The following LARS2 variants were observed in gnomAD, a reference collection of about 807,000 sequenced individuals.
The protein encoded by LARS2 is leucine--tRNA ligase, mitochondrial.
LARS2 carries 81 observed loss-of-function variants against 116.6 expected under a neutral mutation model. The ratio of observed to expected loss-of-function variants is 0.69; its 90% confidence interval spans 0.58 to 0.84. The LOEUF (loss-of-function observed/expected upper bound fraction) is 0.84, where lower values mean the gene tolerates loss of function less well. Ranked by LOEUF, LARS2 falls within the 40% of genes least tolerant of loss-of-function variation. The probability of loss-of-function intolerance (pLI) is 0.00; values close to 1 mark genes in which losing one functional copy is unlikely to be tolerated. For synonymous variants in LARS2, 396 were observed against 407.2 expected, an observed-to-expected ratio of 0.97 and a Z score of 0.33; for missense variants, 968 against 1,114.5, an observed-to-expected ratio of 0.87 and a Z score of 1.87.
chr3:45,468,590 G>A (rs139021888), intron 8 of LARS2, among the ~76,000 whole-genome samples: 1 of 152,150 alleles, frequency 6.6e-6, no homozygotes, highest in Non-Finnish European at 1.5e-5. Flanking sequence ...GGCCTTCATC[G>A]TCTGCATTCT....
chr3:45,519,094 G>A (rs1256291007), intron 18 of LARS2, among the ~76,000 whole-genome samples: 1 of 152,190 alleles, frequency 6.6e-6, no homozygotes. Context: ...CCTTAAAGAT[G>A]TGTTACTTTT....
chr3:45,491,040 G>C (rs1042495787), intron 12 of LARS2, among the ~76,000 whole-genome samples: 6 of 152,186 alleles, frequency 3.9e-5, no homozygotes, highest in African/African-American at 1.4e-4. Flanking sequence ...CCCAACAGGG[G>C]AGTAGTCATT....
intron 13 of LARS2, among the ~76,000 whole-genome samples, chr3:45,495,026 C>T (rs1247318298): frequency 6.6e-6 from 1 of 152,178 alleles, no homozygotes; most frequent in East Asian, 1.9e-4. Context: ...TGAGATCGAG[C>T]CACTGCACTC....
rs115664470 is a variant in LARS2, at chr3:45,469,923, A to G, written c.751-4320A>G. ...TGCAAATCAAATCATACCAATTTATAAGTATGCTAAGTGTCAAGCTTTTAA... is the reference window on the plus strand; with the variant it reads ...TGCAAATCAAATCATACCAATTTATGAGTATGCTAAGTGTCAAGCTTTTAA... On this transcript the variant is annotated intron_variant, in intron 8 of 21. Coordinates refer to ENST00000645846, the MANE Select transcript of LARS2 (RefSeq NM_015340.4). Among the ~76,000 whole-genome samples the G allele has an allele frequency of 5.2e-3, 790 of 152,308 alleles. 5 individuals are homozygous for G. Among genetic ancestry groups the G allele is most frequent in the African/African-American group, 0.017 (719 of 41,558 alleles).
At chr3:45,526,622 T>C (rs1409549613) in intron 20 of LARS2, among the ~76,000 whole-genome samples, 4 of 151,892 alleles carry the variant, frequency 2.6e-5, no homozygotes, top group Non-Finnish European at 4.4e-5. Flanking sequence ...GAGGGAGAAG[T>C]CATTATGAGA....
At chr3:45,419,267 T>C (rs1200464016) in intron 5 of LARS2, among the ~76,000 whole-genome samples, 2 of 152,256 alleles carry the variant, frequency 1.3e-5, no homozygotes, top group African/African-American at 4.8e-5. Flanking sequence ...CCACAATTTA[T>C]ATATTAAGGC....
intron 15 of LARS2, among the ~76,000 whole-genome samples, chr3:45,505,443 T>C (rs970427347): frequency 6.6e-6 from 1 of 151,848 alleles, no homozygotes; most frequent in African/African-American, 2.4e-5. Context: ...CCCAGCACTT[T>C]GGGAGACCAA....
At chr3:45,400,150 T>TA in intron 3 of LARS2, 95 bp from the exon 4 acceptor site, 1 of 1,161,222 alleles carries the variant, frequency 8.6e-7, no homozygotes, top group Non-Finnish European at 1.2e-6. Context: ...TTTAAAATGT[T>TA]AAATTATTAC....
chr3:45,484,619 A>AT lies in LARS2; in HGVS notation c.1019-1073_1019-1072insT, dbSNP rs1437246070. ...CTGTCTCTACAAAAAAAAAAAAAAA[A>AT]AAAAAAAAAAAATATATATATATAT... On this transcript the variant is annotated intron_variant, in intron 10 of 21. Coordinates refer to ENST00000645846, the MANE Select transcript of LARS2 (RefSeq NM_015340.4). Among the ~76,000 whole-genome samples, 244 of 80,462 alleles carry AT rather than the reference A, an allele frequency of 3.0e-3. 6 individuals are homozygous for AT. The highest frequency in any genetic ancestry group is 3.5e-3 in the Non-Finnish European group (142 of 40,446). 52.8% of individuals were successfully genotyped at this position (80,462 alleles called of 152,430 possible).
At chr3:45,515,965 A>G (rs1017009083) in intron 16 of LARS2, 129 bp from the exon 17 acceptor site, 11 of 657,310 alleles carry the variant, frequency 1.7e-5, no homozygotes, top group Non-Finnish European at 2.3e-5. Context: ...GCGGCTTGTT[A>G]AGTGAATTAG....
intron 3 of LARS2, among the ~76,000 whole-genome samples, chr3:45,399,787 C>G (rs904687218): frequency 6.6e-6 from 1 of 151,824 alleles, no homozygotes; most frequent in Non-Finnish European, 1.5e-5. Context: ...TCCTTCACCC[C>G]CCTTTCCACC....
intron 6 of LARS2, among the ~76,000 whole-genome samples, chr3:45,429,450 C>G (rs1239875778): frequency 1.3e-5 from 2 of 152,298 alleles, no homozygotes; most frequent in South Asian, 4.1e-4. Flanking sequence ...CTCAAGCCTT[C>G]CACATGGCCC....
chr3:45,467,796 A>G, intron 8 of LARS2, among the ~76,000 whole-genome samples: 1 of 152,324 alleles, frequency 6.6e-6, no homozygotes, highest in Non-Finnish European at 1.5e-5. Flanking sequence ...CAAATTTTCC[A>G]TAAAAAGATT....
chr3:45,489,174 A>G (rs1322386469), intron 12 of LARS2, among the ~76,000 whole-genome samples: 2 of 152,190 alleles, frequency 1.3e-5, no homozygotes, highest in Non-Finnish European at 2.9e-5. Flanking sequence ...ATTTCTGCCT[A>G]AAGTGTAACT....
At chr3:45,526,661 G>T (rs1700536037) in intron 20 of LARS2, among the ~76,000 whole-genome samples, 2 of 152,078 alleles carry the variant, frequency 1.3e-5, no homozygotes, top group African/African-American at 4.8e-5. Context: ...GGCACAGCGT[G>T]TCTCCAAGAA....
chr3:45,455,781 G>A lies in LARS2; in HGVS notation c.607-2962G>A, dbSNP rs9843616. Among the ~76,000 whole-genome samples, 433 of 152,182 alleles carry A rather than the reference G, an allele frequency of 2.8e-3. 8 individuals are homozygous for A. The highest frequency in any genetic ancestry group is 9.9e-3 in the African/African-American group (410 of 41,556). Reference sequence around the variant, plus strand: ...CAGACGAATGAATAAAGAAAATGTGGAGTATATACACAATGGAATAGTATT... The same window carrying A: ...CAGACGAATGAATAAAGAAAATGTGAAGTATATACACAATGGAATAGTATT... On this transcript the variant is annotated intron_variant, in intron 7 of 21. Transcript: ENST00000645846.
rs758681063 is a variant in LARS2 at position 45,491,795 on chromosome 3, C to T, written c.1518C>T (p.Cys506=). ...AMASEWVNCS[C]PRCKGAAKRE... ...CTTCAGAGTGGGTGAACTGCTCCTGCCCAAGGTAAGGAGCCACATCCCTGC... is the reference window on the plus strand; with the variant it reads ...CTTCAGAGTGGGTGAACTGCTCCTGTCCAAGGTAAGGAGCCACATCCCTGC... Residue 506 remains cysteine (C), a synonymous_variant, in exon 13 of 22, where the codon TGC becomes TGT. Transcript: ENST00000645846. The T allele has an allele frequency of 7.4e-6, 12 of 1,613,224 alleles. No homozygotes were observed. In the African/African-American group the frequency reaches 1.6e-4, roughly 22 times the overall value.
rs375310879 is a variant in LARS2 at position 45,490,521 on chromosome 3, T to C, written c.1240-996T>C. Reference sequence around the variant, plus strand: ...AAAGACAGTGGTGTTAGGAGAAGACTGACTTTCAGGAGAGCTTTTTATGAT... The same window carrying C: ...AAAGACAGTGGTGTTAGGAGAAGACCGACTTTCAGGAGAGCTTTTTATGAT... On this transcript the variant is annotated intron_variant, in intron 12 of 21. Transcript: ENST00000645846. Among the ~76,000 whole-genome samples, 3 of 152,244 alleles carry C rather than the reference T, an allele frequency of 2.0e-5. No individual in the cohort carries two copies. The East Asian group carries it at 5.8e-4, about 29-fold the overall frequency.
At chr3:45,493,274 T>G (rs1699954708) in intron 13 of LARS2, among the ~76,000 whole-genome samples, 1 of 152,198 alleles carries the variant, frequency 6.6e-6, no homozygotes, top group African/African-American at 2.4e-5. Flanking sequence ...TAATTTTTTG[T>G]ATTTTTAGTA....
Sources: gnomAD v4.1 joint callset for allele counts (sites outside exome capture counted in the v4.1 genomes callset) on GRCh38, gnomAD v4.1.1 for gene constraint, MANE v1.5 for transcripts, NCBI Gene and HGNC (gene_info 2026-07-23, HGNC 2026-07-21) for gene names.